Variants in ADH1C observed in about 807,000 individuals in gnomAD.
ADH1C encodes the protein alcohol dehydrogenase 1C.
ADH1C carries 26 observed loss-of-function variants against 35.0 expected under a neutral mutation model. The observed-to-expected ratio is 0.74, with a 90% confidence interval of 0.54 to 1.03. ADH1C has a LOEUF of 1.03. ADH1C is among the 50% of genes least tolerant of loss of function. The pLI is 0.00. For missense variants in ADH1C, 413 were observed against 465.4 expected (o/e 0.89, Z 1.04); for synonymous variants, 170 against 169.3 (o/e 1.00, Z -0.03).
At chr4:99,344,712 G>T in intron 5 of ADH1C, 150 bp downstream of exon 5, 1 of 956,398 alleles carries the variant, frequency 1.0e-6, no homozygotes, top group Non-Finnish European at 1.5e-6. Flanking sequence ...TTTCTAGCCT[G>T]TGCTCTCAGT....
chr4:99,340,770 T>A, intron 6 of ADH1C, 60 bp from the exon 7 acceptor site: 3 of 1,604,582 alleles, frequency 1.9e-6, no homozygotes, highest in East Asian at 2.2e-5. Flanking sequence ...ATACTCATAA[T>A]GCACAATATC....
In ADH1C at chr4:99,344,860, A is replaced by G. The variant is rs757269298; in HGVS notation, c.567+2T>C. ...GGTTTTATCATCCATTGTCATTTCT[A>G]CCTTGGCAACTTTGACTGCAGACCC... On this transcript the variant is annotated splice_donor_variant, in intron 5 of 8. Transcript: ENST00000515683. LOFTEE classifies it high-confidence loss of function. 2 of 1,613,972 alleles carry G rather than the reference A, an allele frequency of 1.2e-6. No individual in the cohort carries two copies. The highest frequency in any genetic ancestry group is 3.3e-5 in the Admixed American group (2 of 59,988).
chr4:99,339,529 C>G, intron 8 of ADH1C, 48 bp downstream of exon 8: 2 of 1,017,548 alleles, frequency 2.0e-6, no homozygotes, highest in Non-Finnish European at 2.7e-6. Flanking sequence ...CCCCCCCCGC[C>G]GCTACTGTAG....
chr4:99,336,512 G>A lies in ADH1C; in HGVS notation c.*240C>T. On this transcript the variant is annotated 3_prime_UTR_variant, in exon 9 of 9. Transcript: ENST00000515683. ...ACAAGTTGAATGGTTAAGAAGGAAG[G>A]TTTATTGGCTTCAATTCCCCAGTTG... 1.7e-6 allele frequency: 1 copy of A among 573,004 alleles called. No individual in the cohort carries two copies. Among genetic ancestry groups the A allele is most frequent in the South Asian group, 2.3e-5 (1 of 44,306 alleles). 35.5% of individuals were successfully genotyped at this position (573,004 alleles called of 1,614,324 possible).
At chr4:99,346,615 A>G (rs1238237388) in intron 3 of ADH1C, among the ~76,000 whole-genome samples, 1 of 151,972 alleles carries the variant, frequency 6.6e-6, no homozygotes, top group East Asian at 1.9e-4. Flanking sequence ...GTCCATACTT[A>G]TGTTTTTTTT....
intron 8 of ADH1C, among the ~76,000 whole-genome samples, chr4:99,338,869 G>C (rs1034624633): frequency 6.6e-6 from 1 of 151,724 alleles, no homozygotes; most frequent in African/African-American, 2.4e-5. Context: ...CCTATTTCCA[G>C]TTATGTCTCA....
intron 5 of ADH1C, among the ~76,000 whole-genome samples, chr4:99,344,023 A>G (rs1734471687): frequency 6.6e-6 from 1 of 152,216 alleles, no homozygotes; most frequent in Non-Finnish European, 1.5e-5. Context: ...AGAAAAATAC[A>G]AGGCTTGTTT....
chr4:99,341,569 T>C (rs1354565248), intron 6 of ADH1C, among the ~76,000 whole-genome samples: 2 of 152,198 alleles, frequency 1.3e-5, no homozygotes, highest in Non-Finnish European at 2.9e-5. Flanking sequence ...GATACTTTAT[T>C]CCTCTGTGGC....
chr4:99,345,299 T>C (rs1391897116), intron 3 of ADH1C, 33 bp from the exon 4 acceptor site: 1 of 1,582,842 alleles, frequency 6.3e-7, no homozygotes, highest in African/African-American at 1.3e-5. Flanking sequence ...CTTCTTAAAT[T>C]TCTATGCAGG....
At chr4:99,345,806 A>T (rs926052213) in intron 3 of ADH1C, among the ~76,000 whole-genome samples, 8 of 152,190 alleles carry the variant, frequency 5.3e-5, no homozygotes, top group Admixed American at 1.3e-4. Flanking sequence ...AAAAGATCTT[A>T]GTTCTTTTTT....
chr4:99,348,311 A>G (rs1734590728), intron 1 of ADH1C, among the ~76,000 whole-genome samples: 2 of 132,570 alleles, frequency 1.5e-5, no homozygotes, highest in South Asian at 2.4e-4. Context: ...AGAGTGTGAT[A>G]TTCCCCTTCC....
At chr4:99,349,801 GTTT>G (rs1481597624) in intron 1 of ADH1C, among the ~76,000 whole-genome samples, 2 of 120,316 alleles carry the variant, frequency 1.7e-5, no homozygotes, top group East Asian at 3.9e-4. Flanking sequence ...GTGTATGTGT[GTTT>G]CTGTGTGTGT....
intron 6 of ADH1C, among the ~76,000 whole-genome samples, chr4:99,342,073 A>C (rs947594517): frequency 6.6e-6 from 1 of 152,160 alleles, no homozygotes; most frequent in Non-Finnish European, 1.5e-5. Flanking sequence ...GCTGACATTT[A>C]TTGGAAGCTA....
chr4:99,345,286 A>G lies in ADH1C; in HGVS notation c.260-20T>C, dbSNP rs1425990117. 2.5e-6 allele frequency: 4 copies of G among 1,600,378 alleles called. No homozygotes were observed. The highest frequency in any genetic ancestry group is 3.4e-6 in the Non-Finnish European group (4 of 1,170,308). ...TATCACCTGCAGAGGAATAAAACAAATTCTTCTTAAATTTCTATGCAGGAA... is the reference window on the plus strand; with the variant it reads ...TATCACCTGCAGAGGAATAAAACAAGTTCTTCTTAAATTTCTATGCAGGAA... On this transcript the variant is annotated intron_variant, in intron 3 of 8. Coordinates refer to ENST00000515683, the MANE Select transcript of ADH1C (RefSeq NM_000669.5).
At chr4:99,342,484 G>A in intron 6 of ADH1C, among the ~76,000 whole-genome samples, 1 of 152,130 alleles carries the variant, frequency 6.6e-6, no homozygotes, top group East Asian at 1.9e-4. Context: ...AAAATGATTT[G>A]TATTATTTAT....
At chr4:99,341,420 A>T (rs1734413084) in intron 6 of ADH1C, among the ~76,000 whole-genome samples, 1 of 152,212 alleles carries the variant, frequency 6.6e-6, no homozygotes, top group Non-Finnish European at 1.5e-5. Context: ...GGAGACTGAC[A>T]TCCTCAGAAC....
chr4:99,342,427 T>G (rs904096), intron 6 of ADH1C, among the ~76,000 whole-genome samples: 47,506 of 152,154 alleles, frequency 0.31, 8,857 homozygotes, highest in Non-Finnish European at 0.41. Context: ...ATTGTTAAAA[T>G]ATTTTTGTTA....
At chr4:99,339,045 A>AT (rs900693174) in intron 8 of ADH1C, among the ~76,000 whole-genome samples, 19 of 151,528 alleles carry the variant, frequency 1.3e-4, no homozygotes, top group Non-Finnish European at 2.2e-4. Flanking sequence ...TTCTTAGTAA[A>AT]TTTTTTTTTC....
chr4:99,344,168 C>T (rs1625439), intron 5 of ADH1C, among the ~76,000 whole-genome samples: 2 of 151,942 alleles, frequency 1.3e-5, no homozygotes, highest in African/African-American at 4.8e-5. Context: ...TTATATCTCT[C>T]GATCTAGGTT....
Sources: gnomAD v4.1 joint callset for allele counts (sites outside exome capture counted in the v4.1 genomes callset) on GRCh38, gnomAD v4.1.1 for gene constraint, MANE v1.5 for transcripts, NCBI Gene and HGNC (gene_info 2026-07-23, HGNC 2026-07-21) for gene names.